FAM78B: variants seen among roughly 807,000 people sequenced by gnomAD.
FAM78B encodes protein FAM78B.
A neutral mutation model predicts 20.0 loss-of-function variants in FAM78B; 10 were observed. That is an observed-to-expected ratio of 0.50 (90% CI 0.31 to 0.85). The LOEUF (loss-of-function observed/expected upper bound fraction) is 0.85, where lower values mean the gene tolerates loss of function less well. FAM78B is among the 40% of genes least tolerant of loss of function. The probability of loss-of-function intolerance (pLI) is 0.05; values close to 1 mark genes in which losing one functional copy is unlikely to be tolerated. For synonymous variants in FAM78B, 135 were observed against 132.8 expected (o/e 1.02, Z -0.12); for missense variants, 283 against 345.0 (o/e 0.82, Z 1.42).
chr1:166,148,675 G>A (rs1655565428), intron 1 of FAM78B, among the ~76,000 whole-genome samples: 1 of 152,202 alleles, frequency 6.6e-6, no homozygotes, highest in Non-Finnish European at 1.5e-5. Flanking sequence ...GAACTCAACG[G>A]AAATGAGAGA....
At chr1:166,089,367 T>A (rs1049129982) in intron 1 of FAM78B, among the ~76,000 whole-genome samples, 1 of 152,200 alleles carries the variant, frequency 6.6e-6, no homozygotes, top group Non-Finnish European at 1.5e-5. Context: ...ATAGTGGTAT[T>A]CCATCAGCGT....
Position 166,074,495 on chromosome 1 carries a change from T to C in FAM78B, c.264-3732A>G, listed in dbSNP as rs558596498. 2.6e-5 allele frequency among the ~76,000 whole-genome samples: 4 copies of C among 152,352 alleles called. No homozygotes were observed. The South Asian group carries it at 8.3e-4, about 32-fold the overall frequency. ...CTTGGAATTATGACTTATTTTTGAA[T>C]CATTAGTGTCTTGCACATGGCTGGC... On this transcript the variant is annotated intron_variant, in intron 1 of 1. Coordinates refer to ENST00000354422, the MANE Select transcript of FAM78B (RefSeq NM_001017961.5).
chr1:166,161,626 G>A (rs1656150487), intron 1 of FAM78B, among the ~76,000 whole-genome samples: 1 of 152,190 alleles, frequency 6.6e-6, no homozygotes, highest in African/African-American at 2.4e-5. Context: ...GGTAGCAGTA[G>A]ACAGAGAGAG....
intron 1 of FAM78B, among the ~76,000 whole-genome samples, chr1:166,077,640 T>C (rs1452608974): frequency 7.4e-6 from 1 of 134,612 alleles, no homozygotes; most frequent in Non-Finnish European, 1.6e-5. Context: ...TATAATTATA[T>C]ATTTATATAT....
chr1:166,136,196 A>G (rs1460269509), intron 1 of FAM78B, among the ~76,000 whole-genome samples: 1 of 152,226 alleles, frequency 6.6e-6, no homozygotes, highest in African/African-American at 2.4e-5. Context: ...ATGTAACAGA[A>G]CAAGACTGTA....
chr1:166,077,097 T>A (rs1334532782), intron 1 of FAM78B, among the ~76,000 whole-genome samples: 1 of 152,178 alleles, frequency 6.6e-6, no homozygotes, highest in Non-Finnish European at 1.5e-5. Context: ...CCATTCGACT[T>A]GTTAATTTTC....
At chr1:166,122,814 C>T (rs1430424727) in intron 1 of FAM78B, among the ~76,000 whole-genome samples, 1 of 152,112 alleles carries the variant, frequency 6.6e-6, no homozygotes, top group African/African-American at 2.4e-5. Context: ...TGTTATTTTT[C>T]CCCCTTCTTT....
At position 166,069,499 on chromosome 1, in the gene FAM78B, C is replaced by T. The variant is rs1651930107; in HGVS notation, c.*742G>A. 1 of 152,182 alleles carries T rather than the reference C, an allele frequency of 6.6e-6. No homozygotes were observed. Among genetic ancestry groups the T allele is most frequent in the Admixed American group, 6.5e-5 (1 of 15,272 alleles). 9.4% of individuals were successfully genotyped at this position (152,182 alleles called of 1,614,324 possible). On this transcript the variant is annotated 3_prime_UTR_variant, in exon 2 of 2. Coordinates refer to ENST00000354422, the MANE Select transcript of FAM78B (RefSeq NM_001017961.5). ...TAACTATTGCAGAATGTGGGAATTA[C>T]AAAGCCAAATACTGTGATTAAAAAT... is the stretch of plus-strand genomic sequence containing the variant.
At chr1:166,154,878 C>G in intron 1 of FAM78B, 1 of 470,246 alleles carries the variant, frequency 2.1e-6, no homozygotes, top group Non-Finnish European at 4.4e-6. Flanking sequence ...CCGCACCATC[C>G]TAACACCCTG....
chr1:166,161,059 C>T (rs1015216706), intron 1 of FAM78B, among the ~76,000 whole-genome samples: 5 of 152,114 alleles, frequency 3.3e-5, no homozygotes, highest in Admixed American at 1.3e-4. Flanking sequence ...CATATGGAAA[C>T]GTTCTGAGTT....
intron 1 of FAM78B, among the ~76,000 whole-genome samples, chr1:166,118,482 T>C (rs1340437967): frequency 6.6e-6 from 1 of 152,202 alleles, no homozygotes; most frequent in Non-Finnish European, 1.5e-5. Context: ...GCTTTATTGC[T>C]AGAAATAACC....
chr1:166,078,088 G>A (rs1451314549), intron 1 of FAM78B, among the ~76,000 whole-genome samples: 1 of 149,646 alleles, frequency 6.7e-6, no homozygotes, highest in African/African-American at 2.5e-5. Flanking sequence ...CTGGAGTGCA[G>A]CGGTATGATC....
At chr1:166,103,666 C>A (rs1287178506) in intron 1 of FAM78B, among the ~76,000 whole-genome samples, 1 of 152,180 alleles carries the variant, frequency 6.6e-6, no homozygotes, top group South Asian at 2.1e-4. Context: ...GAAGTTGAAT[C>A]TCTGAATAGA....
chr1:166,114,797 TTTG>T lies in FAM78B; in HGVS notation c.264-44037_264-44035del, dbSNP rs377239185. 1.3e-3 allele frequency among the ~76,000 whole-genome samples: 205 copies of T among 152,304 alleles called. 1 individual carries two copies. The highest frequency in any genetic ancestry group is 4.6e-3 in the African/African-American group (193 of 41,560). ...AAGAGACAACAATATAGCATATTTT[TTTG>T]TTGTTGTTCTCTTTTTCCTTCCCAA... On this transcript the variant is annotated intron_variant, in intron 1 of 1. Coordinates refer to ENST00000354422, the MANE Select transcript of FAM78B (RefSeq NM_001017961.5).
chr1:166,066,924 C>A (rs1651815392), downstream of FAM78B, among the ~76,000 whole-genome samples: 1 of 151,800 alleles, frequency 6.6e-6, no homozygotes, highest in Non-Finnish European at 1.5e-5. Flanking sequence ...TGAGCTACAG[C>A]AATGACCCAG....
At chr1:166,144,962 G>A (rs1400306940) in intron 1 of FAM78B, among the ~76,000 whole-genome samples, 1 of 152,108 alleles carries the variant, frequency 6.6e-6, no homozygotes, top group Non-Finnish European at 1.5e-5. Context: ...GACAGAGATG[G>A]GGTGAGGGTT....
At chr1:166,103,907 G>T (rs968281568) in intron 1 of FAM78B, among the ~76,000 whole-genome samples, 5 of 152,094 alleles carry the variant, frequency 3.3e-5, no homozygotes, top group Non-Finnish European at 5.9e-5. Flanking sequence ...AAATAAAAGA[G>T]AATTTTAGAC....
intron 1 of FAM78B, among the ~76,000 whole-genome samples, chr1:166,129,786 T>C (rs913824241): frequency 2.0e-5 from 3 of 151,846 alleles, no homozygotes; most frequent in African/African-American, 7.3e-5. Flanking sequence ...AATCACTCTA[T>C]TCAGGTCCCC....
chr1:166,102,709 A>G (rs1379775178), intron 1 of FAM78B, among the ~76,000 whole-genome samples: 1 of 152,260 alleles, frequency 6.6e-6, no homozygotes, highest in Non-Finnish European at 1.5e-5. Context: ...TTCATAAAGC[A>G]AGTCCTTAGA....
Sources: allele counts gnomAD v4.1 joint callset (sites outside exome capture counted in the v4.1 genomes callset), GRCh38; gene constraint gnomAD v4.1.1; transcripts MANE v1.5; gene names NCBI Gene and HGNC (gene_info 2026-07-23, HGNC 2026-07-21).